The following PIPOX variants were observed in gnomAD, a reference collection of about 807,000 sequenced individuals.
PIPOX encodes peroxisomal sarcosine oxidase.
PIPOX carries 45 observed loss-of-function variants against 47.9 expected under a neutral mutation model. The ratio of observed to expected loss-of-function variants is 0.94; its 90% CI spans 0.74 to 1.20. The LOEUF (loss-of-function observed/expected upper bound fraction) is 1.20. Among genes scored for constraint, PIPOX ranks in the 50% most tolerant of loss-of-function variants. The pLI is 0.00. For synonymous variants in PIPOX, 165 were observed against 191.3 expected, an observed-to-expected ratio of 0.86 and a Z score of 1.13; for missense variants, 458 against 498.4, an observed-to-expected ratio of 0.92 and a Z score of 0.77.
intron 2 of PIPOX, among the ~76,000 whole-genome samples, chr17:29,048,384 C>T (rs1345264769): frequency 6.6e-6 from 1 of 152,058 alleles, no homozygotes; most frequent in African/African-American, 2.4e-5. Context: ...GGTGGTTGTC[C>T]AGTGCTTTTC....
rs951252313 is a variant in PIPOX, at chr17:29,056,435, C to A, written c.*130C>A. On this transcript the variant is annotated 3_prime_UTR_variant, in exon 8 of 8. Coordinates refer to ENST00000323372, the MANE Select transcript of PIPOX (RefSeq NM_016518.3). The stretch of plus-strand genomic sequence containing the variant: ...CCTCGCCTGAATCCCCCATAAACAC[C>A]AGATGATTGAGTCTACCTTCTTTCC... 19 of 1,031,184 alleles carry A rather than the reference C, an allele frequency of 1.8e-5. No homozygotes were observed. The highest frequency in any genetic ancestry group is 2.5e-5 in the Non-Finnish European group (18 of 707,086). 63.9% of individuals were successfully genotyped at this position (1,031,184 alleles called of 1,614,324 possible). A position where few individuals can be genotyped will look rare whatever the true frequency, so the allele number is the denominator to read the frequency against.
rs547736936 is a variant in PIPOX, at chr17:29,045,504, G to A, written c.263+497G>A. Reference sequence around the variant, plus strand: ...TGGCTCACTGCAACCTCCACCTCCCGGGTTCAAGTGATTCTTCTGCTTCAG... The same window carrying A: ...TGGCTCACTGCAACCTCCACCTCCCAGGTTCAAGTGATTCTTCTGCTTCAG... On this transcript the variant is annotated intron_variant, in intron 2 of 7. Coordinates refer to ENST00000323372, the MANE Select transcript of PIPOX (RefSeq NM_016518.3). 1.4e-4 allele frequency among the ~76,000 whole-genome samples: 20 copies of A among 140,880 alleles called. No individual in the cohort carries two copies. In the South Asian group the frequency reaches 2.2e-3, roughly 16 times the overall value. 92.4% of individuals were successfully genotyped at this position (140,880 alleles called of 152,430 possible).
chr17:29,047,689 T>TA (rs2065790867), intron 2 of PIPOX, among the ~76,000 whole-genome samples: 2 of 137,502 alleles, frequency 1.5e-5, no homozygotes, highest in African/African-American at 6.2e-5. Context: ...CTTCTTTGGA[T>TA]TAAAAAAAAT....
chr17:29,048,932 G>C (rs1050572801), intron 2 of PIPOX, among the ~76,000 whole-genome samples: 1 of 152,190 alleles, frequency 6.6e-6, no homozygotes, highest in African/African-American at 2.4e-5. Context: ...TTAACCCACA[G>C]AGGGGAGAGC....
intron 2 of PIPOX, among the ~76,000 whole-genome samples, chr17:29,051,387 C>G (rs1175621081): frequency 2.0e-5 from 3 of 152,180 alleles, no homozygotes; most frequent in African/African-American, 2.4e-5. Context: ...GTCCCTACCC[C>G]CTCCCAATCT....
At chr17:29,054,483 C>G in intron 4 of PIPOX, 62 bp from the exon 5 acceptor site, 4 of 1,590,256 alleles carry the variant, frequency 2.5e-6, no homozygotes, top group Non-Finnish European at 3.4e-6. Flanking sequence ...AGAGAAACTG[C>G]TTTCATTGCT....
At chr17:29,051,536 C>T (rs1407049108) in intron 2 of PIPOX, among the ~76,000 whole-genome samples, 5 of 152,206 alleles carry the variant, frequency 3.3e-5, no homozygotes, top group African/African-American at 1.2e-4. Flanking sequence ...GCAGCAGCTG[C>T]AATGGAGAAG....
intron 2 of PIPOX, chr17:29,052,106 G>A: frequency 2.2e-6 from 1 of 458,044 alleles, no homozygotes; most frequent in South Asian, 1.6e-5. Flanking sequence ...AAAACAGGCA[G>A]CCTCTGAGGA....
chr17:29,056,096 G>C, intron 7 of PIPOX, 79 bp from the exon 8 acceptor site: 1 of 1,567,968 alleles, frequency 6.4e-7, no homozygotes, highest in African/African-American at 1.3e-5. Flanking sequence ...AGTCAGCCCT[G>C]TCTGGGTAAG....
At chr17:29,054,811 C>A in intron 5 of PIPOX, 120 bp downstream of exon 5, 1 of 1,219,314 alleles carries the variant, frequency 8.2e-7, no homozygotes, top group Non-Finnish European at 1.1e-6. Context: ...GCCTGCTTCA[C>A]TCATGGCGAT....
Position 29,052,947 on chromosome 17 carries a change from G to A in PIPOX, c.291G>A (p.Met97Ile). The change falls in exon 3 of 8, where the codon ATG (methionine) becomes ATA (isoleucine). Residue 97 changes from methionine (M) to isoleucine (I), a missense_variant. By Grantham distance (10) the Met-to-Ile change is conservative. Transcript: ENST00000323372. ...AGACTGGATTACTGCTGCTGGGAAT[G>A]AAAGAGAATCAAGAATTAAAGACAA... ...HRQTGLLLLG[M>I]KENQELKTIQ... 1 of 1,614,212 alleles carries A rather than the reference G, an allele frequency of 6.2e-7. No homozygotes were observed. The highest frequency in any genetic ancestry group is 8.5e-7 in the Non-Finnish European group (1 of 1,180,026).
In PIPOX at chr17:29,055,188, C is replaced by T. The variant is rs771035929; in HGVS notation, c.933C>T (p.Pro311=). 30 of 1,614,004 alleles carry T rather than the reference C, an allele frequency of 1.9e-5. No homozygotes were observed. Among genetic ancestry groups the T allele is most frequent in the East Asian group, 2.2e-5 (1 of 44,896 alleles). The change falls in exon 6 of 8, where the codon CCC becomes CCT. Residue 311 remains proline (P), a synonymous_variant. Coordinates refer to ENST00000323372, the MANE Select transcript of PIPOX (RefSeq NM_016518.3). ...FVRDHLPDLK[P]EPAVIESCMY... Reference sequence around the variant, plus strand: ...GAGATCACTTACCTGATCTGAAGCCCGAGCCTGCTGTCATTGAGAGCTGCA... The same window carrying T: ...GAGATCACTTACCTGATCTGAAGCCTGAGCCTGCTGTCATTGAGAGCTGCA...
Position 29,056,467 on chromosome 17 carries a change from C to T in PIPOX, c.*162C>T, listed in dbSNP as rs983835292. 11 of 775,046 alleles carry T rather than the reference C, an allele frequency of 1.4e-5. No homozygotes were observed. Among genetic ancestry groups the T allele is most frequent in the African/African-American group, 3.5e-5 (2 of 57,142 alleles). 48.0% of individuals were successfully genotyped at this position (775,046 alleles called of 1,614,324 possible). On this transcript the variant is annotated 3_prime_UTR_variant, in exon 8 of 8. Transcript: ENST00000323372. ...TTGAGTCTACCTTCTTTCCTTGGCC[C>T]GCTCCCTTTTTCTTCTGCCTCACTT...
Position 29,053,609 on chromosome 17 carries a change from G to A in PIPOX, c.660+14G>A, listed in dbSNP as rs563796264. On this transcript the variant is annotated intron_variant, in intron 4 of 7. Coordinates refer to ENST00000323372, the MANE Select transcript of PIPOX (RefSeq NM_016518.3). ...ATGCCTCTCCAGGTAAGAGGAGCTG[G>A]AAGCCCGAGAGTTGGTGCTCAAGAG... 40 of 1,563,642 alleles carry A rather than the reference G, an allele frequency of 2.6e-5. No individual in the cohort carries two copies. In the South Asian group the frequency reaches 4.1e-4, roughly 16 times the overall value.
chr17:29,045,264 T>C (rs1020451875), intron 2 of PIPOX, among the ~76,000 whole-genome samples: 24 of 152,182 alleles, frequency 1.6e-4, no homozygotes, highest in African/African-American at 5.8e-4. Context: ...CTGGAAAGCC[T>C]GCTGGCAAGG....
At position 29,052,365 on chromosome 17, in the gene PIPOX, A is replaced by G. The variant is rs138824854; in HGVS notation, c.264-555A>G. Among the ~76,000 whole-genome samples, 22 of 152,352 alleles carry G rather than the reference A, an allele frequency of 1.4e-4. No individual in the cohort carries two copies. The East Asian group carries it at 4.2e-3, about 29-fold the overall frequency. ...CAGGATGGGTCCTGAGAAGGGGCAT[A>G]GAGGACAAGAAAACCAATAGTGAGA... On this transcript the variant is annotated intron_variant, in intron 2 of 7. Transcript: ENST00000323372.
At chr17:29,046,638 G>T (rs1211196113) in intron 2 of PIPOX, 15 of 985,370 alleles carry the variant, frequency 1.5e-5, no homozygotes, top group Non-Finnish European at 1.8e-5. Flanking sequence ...GGCAGGAGGA[G>T]ACAGATGGGT....
In PIPOX at chr17:29,056,371, A is replaced by C; in HGVS notation, c.*66A>C. The C allele has an allele frequency of 1.3e-6, 2 of 1,578,730 alleles. No individual in the cohort carries two copies. The highest frequency in any genetic ancestry group is 1.7e-6 in the Non-Finnish European group (2 of 1,149,382). Reference sequence around the variant, plus strand: ...TTCACAGATGGAGAAGATGTCTCAGATGAAGGGAGTGTCCCTGAGATATCA... The same window carrying C: ...TTCACAGATGGAGAAGATGTCTCAGCTGAAGGGAGTGTCCCTGAGATATCA... On this transcript the variant is annotated 3_prime_UTR_variant, in exon 8 of 8. Transcript: ENST00000323372.
Position 29,055,083 on chromosome 17 carries a change from C to T in PIPOX, c.828C>T (p.Asn276=). 1 of 1,614,158 alleles carries T rather than the reference C, an allele frequency of 6.2e-7. No homozygotes were observed. The highest frequency in any genetic ancestry group is 8.5e-7 in the Non-Finnish European group (1 of 1,180,024). The change falls in exon 6 of 8, where the codon AAC becomes AAT. Residue 276 remains asparagine (N), a synonymous_variant. Transcript: ENST00000323372. ...GCCAGGTCAGCTATCACCACGGCAA[C>T]CACGCAGACCCTGAGGAGCGGGACT... ...GLMKVSYHHG[N]HADPEERDCP... is the part of the protein sequence containing the mutation.
Sources: allele counts gnomAD v4.1 joint callset (sites outside exome capture counted in the v4.1 genomes callset), GRCh38; gene constraint gnomAD v4.1.1; transcripts MANE v1.5; gene names NCBI Gene and HGNC (gene_info 2026-07-23, HGNC 2026-07-21).